EFR3B: variants seen among roughly 807,000 people sequenced by gnomAD.
EFR3B encodes the protein protein EFR3 homolog B.
In EFR3B, 64 loss-of-function variants were observed where a neutral mutation model predicts 104.7. That is an observed-to-expected ratio of 0.61 (90% CI 0.50 to 0.75). The LOEUF is 0.75. Among genes scored for constraint, EFR3B ranks in the 30% least tolerant of loss-of-function variants. The probability of loss-of-function intolerance (pLI) is 0.00; values close to 1 mark genes in which losing one functional copy is unlikely to be tolerated. For missense variants in EFR3B, 750 were observed against 1,078.5 expected (o/e 0.70, Z 4.27); for synonymous variants, 385 against 417.9 (o/e 0.92, Z 0.96).
Position 25,130,402 on chromosome 2 carries a change from G to T in EFR3B, c.771-150G>T. The T allele has an allele frequency of 3.8e-6, 3 of 799,762 alleles. No homozygotes were observed. The East Asian group carries it at 8.0e-5, about 21-fold the overall frequency. The allele number at this position is 799,762 out of a possible 1,614,324, so 49.5% of individuals were successfully genotyped here. ...TGGCCTCTCTCCAGCACTGGACTGG[G>T]ACTACCCCAAGGCCCTTCAGGCTTC... On this transcript the variant is annotated intron_variant, in intron 7 of 22. Transcript: ENST00000403714. This position sits in a 1 kb window ranked among gnomAD's most constrained non-coding sequence, Gnocchi z 4.6.
chr2:25,149,323 G>C lies in EFR3B; in HGVS notation c.2143-371G>C, dbSNP rs186930612. Among the ~76,000 whole-genome samples, 105 of 152,322 alleles carry C rather than the reference G, an allele frequency of 6.9e-4. 1 individual carries two copies. Among genetic ancestry groups the C allele is most frequent in the Admixed American group, 3.8e-3 (58 of 15,294 alleles). ...AGATCATGCCACTACACTCCAGCCT[G>C]GGCGACAGAGTAAGACTCTGTCTCA... On this transcript the variant is annotated intron_variant, in intron 19 of 22. Coordinates refer to ENST00000403714, the MANE Select transcript of EFR3B (RefSeq NM_014971.2).
intron 3 of EFR3B, 52 bp from the exon 4 acceptor site, chr2:25,103,585 G>A (rs889140296): frequency 1.2e-5 from 18 of 1,527,298 alleles, no homozygotes; most frequent in Non-Finnish European, 1.4e-5. Flanking sequence ...CCCTGGTTGG[G>A]CCATGGGGTG....
chr2:25,102,137 T>C (rs1669445782), intron 3 of EFR3B, among the ~76,000 whole-genome samples: 1 of 152,184 alleles, frequency 6.6e-6, no homozygotes, highest in African/African-American at 2.4e-5. Flanking sequence ...AATTGGGTTG[T>C]CCTGTAAAGG....
chr2:25,043,751 A>G (rs559065608), intron 1 of EFR3B, among the ~76,000 whole-genome samples: 7 of 151,576 alleles, frequency 4.6e-5, no homozygotes, highest in African/African-American at 9.7e-5. Context: ...ATATAGGAGT[A>G]TGTGTGTATT....
chr2:25,102,642 T>C (rs1669457257), intron 3 of EFR3B, among the ~76,000 whole-genome samples: 1 of 152,100 alleles, frequency 6.6e-6, no homozygotes, highest in Non-Finnish European at 1.5e-5. Context: ...CACGTGGGGA[T>C]TATTACAATT....
At chr2:25,043,947 A>G (rs1174897459) in intron 1 of EFR3B, among the ~76,000 whole-genome samples, 1 of 152,154 alleles carries the variant, frequency 6.6e-6, no homozygotes, top group Non-Finnish European at 1.5e-5. Flanking sequence ...CATTTAGTCC[A>G]AGATAATTTG....
chr2:25,155,394 C>T lies in EFR3B; in HGVS notation c.*1054C>T, dbSNP rs1262572731. On this transcript the variant is annotated 3_prime_UTR_variant, in exon 23 of 23. Transcript: ENST00000403714. The stretch of plus-strand genomic sequence containing the variant: ...ACACCTAATATTGGAATGATTTCTT[C>T]ACTCTCTGGACAAAGTCTGGGACAT... The T allele has an allele frequency of 6.6e-6, 1 of 152,198 alleles. No individual in the cohort carries two copies. The highest frequency in any genetic ancestry group is 1.5e-5 in the Non-Finnish European group (1 of 68,034). 9.4% of individuals were successfully genotyped at this position (152,198 alleles called of 1,614,324 possible).
chr2:25,109,674 G>A (rs188918806), intron 4 of EFR3B, among the ~76,000 whole-genome samples: 1 of 152,290 alleles, frequency 6.6e-6, no homozygotes, highest in East Asian at 1.9e-4. Flanking sequence ...AGGTAAATCT[G>A]TAGAGACAGG....
intron 10 of EFR3B, 21 bp from the exon 11 acceptor site, chr2:25,132,882 C>T (rs777967261): frequency 1.9e-6 from 3 of 1,546,670 alleles, no homozygotes; most frequent in East Asian, 2.4e-5. Context: ...CACTGGGCAC[C>T]CTCTCCGCCA....
intron 1 of EFR3B, among the ~76,000 whole-genome samples, chr2:25,074,492 G>A (rs528908565): frequency 6.6e-6 from 1 of 151,856 alleles, no homozygotes; most frequent in Admixed American, 6.6e-5. Context: ...TTGAACCCGG[G>A]AGGCAGAGGT....
intron 4 of EFR3B, among the ~76,000 whole-genome samples, chr2:25,110,432 T>C (rs930610465): frequency 3.3e-5 from 5 of 152,230 alleles, no homozygotes; most frequent in Non-Finnish European, 7.4e-5. Context: ...CCCTCCCAAA[T>C]CAGCTTCTTC....
chr2:25,101,924 A>AG (rs1366198334), intron 3 of EFR3B, among the ~76,000 whole-genome samples: 3 of 151,876 alleles, frequency 2.0e-5, no homozygotes, highest in Non-Finnish European at 4.4e-5. Context: ...AAAACAAAAA[A>AG]CAAAACCTCT....
At chr2:25,065,346 A>AT (rs749717958) in intron 1 of EFR3B, among the ~76,000 whole-genome samples, 967 of 93,314 alleles carry the variant, frequency 0.01, 8 homozygotes, top group Admixed American at 0.011. Flanking sequence ...ACACCCAGCT[A>AT]TTTTTTTTTT....
At chr2:25,058,605 A>G (rs180678418) in intron 1 of EFR3B, among the ~76,000 whole-genome samples, 25 of 152,226 alleles carry the variant, frequency 1.6e-4, no homozygotes, top group African/African-American at 5.8e-4. Flanking sequence ...CTAAAAATAT[A>G]AAAATTAGCC....
At chr2:25,074,176 G>C (rs1302296533) in intron 1 of EFR3B, among the ~76,000 whole-genome samples, 1 of 152,140 alleles carries the variant, frequency 6.6e-6, no homozygotes, top group Non-Finnish European at 1.5e-5. Flanking sequence ...GGAGTGGAGG[G>C]AGAGGCTCTG....
At chr2:25,067,929 C>A (rs1668382728) in intron 1 of EFR3B, among the ~76,000 whole-genome samples, 1 of 152,112 alleles carries the variant, frequency 6.6e-6, no homozygotes, top group Non-Finnish European at 1.5e-5. Context: ...GATCCACCCA[C>A]CTTGGCCCCC....
intron 5 of EFR3B, among the ~76,000 whole-genome samples, chr2:25,125,840 G>C (rs1031292247): frequency 3.3e-5 from 5 of 152,108 alleles, no homozygotes; most frequent in South Asian, 2.1e-4. Context: ...CCCAGCTACT[G>C]GGGAGGCTGA....
intron 1 of EFR3B, chr2:25,081,408 T>G (rs1668802592): frequency 1.6e-6 from 2 of 1,223,612 alleles, no homozygotes; most frequent in African/African-American, 3.0e-5. Flanking sequence ...TGTTATTTCT[T>G]TCTTCTGTAC....
At position 25,139,068 on chromosome 2, in the gene EFR3B, C is replaced by T; in HGVS notation, c.1732C>T (p.Gln578Ter). 6.4e-7 allele frequency: 1 copy of T among 1,551,710 alleles called. No homozygotes were observed. The highest frequency in any genetic ancestry group is 1.4e-5 in the African/African-American group (1 of 73,130). Residue 578 changes from glutamine to a stop codon, truncating the protein, a stop_gained, in exon 16 of 23, where the codon CAA becomes TAA. Coordinates refer to ENST00000403714, the MANE Select transcript of EFR3B (RefSeq NM_014971.2). LOFTEE classifies it high-confidence loss of function. ...RLVLAVQDVA[Q>*]VNEENLPVYN... ...GTCTATGTTGCCGCAGGACGTGGCC[C>T]AAGTCAATGAGGAGAACTTGCCTGT...
Sources: gnomAD v4.1 joint callset for allele counts (sites outside exome capture counted in the v4.1 genomes callset) on GRCh38, gnomAD v4.1.1 for gene constraint, Gnocchi (gnomAD v3.1) non-coding constraint, MANE v1.5 for transcripts, NCBI Gene and HGNC (gene_info 2026-07-23, HGNC 2026-07-21) for gene names.